KCNK10: variants seen among roughly 807,000 people sequenced by gnomAD.
The protein encoded by KCNK10 is potassium channel subfamily K member 10.
Under a neutral mutation model 47.7 loss-of-function variants are expected in KCNK10, and 25 were observed. The observed-to-expected ratio is 0.52, with a 90% CI of 0.38 to 0.73. The LOEUF is 0.73. KCNK10 is among the 30% of genes least tolerant of loss of function. The pLI is 0.00. For synonymous variants in KCNK10, 303 were observed against 285.6 expected (o/e 1.06, Z -0.61); for missense variants, 563 against 714.5 (o/e 0.79, Z 2.42).
At chr14:88,316,226 T>C (rs1292830856) in intron 1 of KCNK10, among the ~76,000 whole-genome samples, 5 of 152,088 alleles carry the variant, frequency 3.3e-5, no homozygotes, top group African/African-American at 9.7e-5. Context: ...CCAGTGATTA[T>C]GACCCTTACT....
chr14:88,194,800 C>T (rs1336449073), intron 4 of KCNK10, among the ~76,000 whole-genome samples: 1 of 152,146 alleles, frequency 6.6e-6, no homozygotes, highest in African/African-American at 2.4e-5. Context: ...TCCTGGGCTG[C>T]TTCTCCTAGA....
At chr14:88,208,984 A>T (rs371353468) in intron 4 of KCNK10, among the ~76,000 whole-genome samples, 1 of 152,184 alleles carries the variant, frequency 6.6e-6, no homozygotes, top group Non-Finnish European at 1.5e-5. Flanking sequence ...GAAAGACTGC[A>T]GATGTTGTTC....
Position 88,257,362 on chromosome 14 carries a change from C to G in KCNK10, c.402+5840G>C, listed in dbSNP as rs185848976. On this transcript the variant is annotated intron_variant, in intron 2 of 6. Transcript: ENST00000319231. ...CACGACCCCCTTCCCAGTCTCATTT[C>G]CACGTACTCTCATACTTCTCAGTTC... is the stretch of plus-strand genomic sequence containing the variant. Among the ~76,000 whole-genome samples the G allele has an allele frequency of 3.9e-5, 6 of 152,330 alleles. No individual in the cohort carries two copies. In the East Asian group the frequency reaches 1.2e-3, roughly 29 times the overall value.
chr14:88,239,801 G>A (rs1955513678), intron 3 of KCNK10, among the ~76,000 whole-genome samples: 1 of 152,084 alleles, frequency 6.6e-6, no homozygotes, highest in African/African-American at 2.4e-5. Context: ...GGAGGTTGCA[G>A]TGAGCCGAGA....
chr14:88,238,976 C>T (rs919308916), intron 3 of KCNK10, among the ~76,000 whole-genome samples: 2 of 152,120 alleles, frequency 1.3e-5, no homozygotes, highest in African/African-American at 4.8e-5. Flanking sequence ...TGATTAGGTT[C>T]ACCATCTTCA....
At chr14:88,287,062 G>T (rs912586153) in intron 1 of KCNK10, among the ~76,000 whole-genome samples, 21 of 152,082 alleles carry the variant, frequency 1.4e-4, no homozygotes, top group African/African-American at 5.1e-4. Flanking sequence ...TACAAGCAAG[G>T]TATTATTATT....
At chr14:88,266,545 A>G (rs1184561960) in intron 1 of KCNK10, among the ~76,000 whole-genome samples, 1 of 152,222 alleles carries the variant, frequency 6.6e-6, no homozygotes, top group Non-Finnish European at 1.5e-5. Flanking sequence ...ATTTCTTGGC[A>G]TAGTGCCTGG....
chr14:88,263,376 C>T lies in KCNK10; in HGVS notation c.228G>A (p.Thr76=). Residue 76 remains threonine (T), a synonymous_variant, in exon 2 of 7, where the codon ACG becomes ACA. Transcript: ENST00000319231. ...CCACAACCACAAAGATGGCAACCACCGTCTTCCACTTCATGACGGTCTGCA... is the reference window on the plus strand; with the variant it reads ...CCACAACCACAAAGATGGCAACCACTGTCTTCCACTTCATGACGGTCTGCA... ...GGLQTVMKWK[T]VVAIFVVVVV... 6.2e-7 allele frequency: 1 copy of T among 1,614,028 alleles called. No homozygotes were observed. Among genetic ancestry groups the T allele is most frequent in the Admixed American group, 1.7e-5 (1 of 60,036 alleles).
At chr14:88,265,103 T>G (rs757726122) in intron 1 of KCNK10, among the ~76,000 whole-genome samples, 1 of 152,160 alleles carries the variant, frequency 6.6e-6, no homozygotes, top group Non-Finnish European at 1.5e-5. Context: ...GAGCCAGAAA[T>G]CTCATATTAA....
intron 2 of KCNK10, among the ~76,000 whole-genome samples, chr14:88,244,982 A>C (rs1886589730): frequency 6.6e-6 from 1 of 152,246 alleles, no homozygotes; most frequent in Non-Finnish European, 1.5e-5. Context: ...TGTAGATAAG[A>C]GGGCATTACT....
chr14:88,261,281 C>A (rs1238654780), intron 2 of KCNK10, among the ~76,000 whole-genome samples: 1 of 152,086 alleles, frequency 6.6e-6, no homozygotes, highest in African/African-American at 2.4e-5. Flanking sequence ...ACGTGTCTTA[C>A]AACTAATTAA....
chr14:88,240,866 T>G (rs1886439362), intron 2 of KCNK10, 46 bp from the exon 3 acceptor site: 1 of 1,236,732 alleles, frequency 8.1e-7, no homozygotes, highest in South Asian at 1.3e-5. Context: ...AAAAGTTGTT[T>G]ATTTTTTTTT....
intron 6 of KCNK10, 66 bp downstream of exon 6, chr14:88,187,901 C>T (rs985075328): frequency 9.9e-5 from 156 of 1,578,754 alleles, no homozygotes; most frequent in South Asian, 4.5e-5. Context: ...AGGACAGAGA[C>T]AGGCAATTCT....
intron 3 of KCNK10, among the ~76,000 whole-genome samples, chr14:88,237,304 C>T (rs767980778): frequency 2.6e-5 from 4 of 152,192 alleles, no homozygotes; most frequent in Admixed American, 6.5e-5. Flanking sequence ...AACACATCAG[C>T]AGTGGCATCC....
intron 1 of KCNK10, among the ~76,000 whole-genome samples, chr14:88,287,634 C>T (rs1887790153): frequency 6.6e-6 from 1 of 151,620 alleles, no homozygotes; most frequent in Non-Finnish European, 1.5e-5. Flanking sequence ...GCTGCAGATG[C>T]CATCATTTCA....
At chr14:88,274,389 C>T in intron 1 of KCNK10, among the ~76,000 whole-genome samples, 1 of 151,860 alleles carries the variant, frequency 6.6e-6, no homozygotes, top group Non-Finnish European at 1.5e-5. Flanking sequence ...TGCCAAAACC[C>T]TGTCTCTACT....
chr14:88,255,547 T>A (rs997149545), intron 2 of KCNK10, among the ~76,000 whole-genome samples: 16 of 117,630 alleles, frequency 1.4e-4, no homozygotes, highest in Admixed American at 1.2e-3. Context: ...AAAAAAAAAA[T>A]TAAAAATTAG....
At chr14:88,256,759 C>A (rs549002923) in intron 2 of KCNK10, among the ~76,000 whole-genome samples, 89 of 152,288 alleles carry the variant, frequency 5.8e-4, no homozygotes, top group African/African-American at 1.9e-3. Flanking sequence ...CTCCACGATG[C>A]GCATCAGTTA....
At chr14:88,284,178 C>T (rs1193412861) in intron 1 of KCNK10, among the ~76,000 whole-genome samples, 1 of 151,974 alleles carries the variant, frequency 6.6e-6, no homozygotes, top group Non-Finnish European at 1.5e-5. Context: ...GAACACAATT[C>T]AAAACCTCAA....
Sources: allele counts gnomAD v4.1 joint callset (sites outside exome capture counted in the v4.1 genomes callset), GRCh38; gene constraint gnomAD v4.1.1; transcripts MANE v1.5; gene names NCBI Gene and HGNC (gene_info 2026-07-23, HGNC 2026-07-21).